Variants in DBF4B observed in about 807,000 individuals in gnomAD.
DBF4B encodes DBF4B-CDC7 kinase regulatory subunit, also known as protein DBF4 homolog B.
A neutral mutation model predicts 53.4 loss-of-function variants in DBF4B; 49 were observed. The observed-to-expected ratio is 0.92, with a 90% confidence interval of 0.73 to 1.16. The LOEUF (loss-of-function observed/expected upper bound fraction) is 1.16. Among genes scored for constraint, DBF4B ranks in the 50% most tolerant of loss-of-function variants. The pLI, the probability that DBF4B is intolerant of heterozygous loss-of-function variation, is 0.00. For synonymous variants in DBF4B, 257 were observed against 288.7 expected, an observed-to-expected ratio of 0.89 and a Z score of 1.11; for missense variants, 692 against 775.0, an observed-to-expected ratio of 0.89 and a Z score of 1.27.
At position 44,749,278 on chromosome 17, in the gene DBF4B, C is replaced by G; in HGVS notation, c.1189+813C>G. Reference sequence around the variant, plus strand: ...GCCCTGGTCCCAACCCCAGCCCCAGCCCCAGCCCCATGCTGGCAGAGAGCT... The same window carrying G: ...GCCCTGGTCCCAACCCCAGCCCCAGGCCCAGCCCCATGCTGGCAGAGAGCT... On this transcript the variant is annotated intron_variant, in intron 13 of 13. Coordinates refer to ENST00000315005, the MANE Select transcript of DBF4B (RefSeq NM_145663.3). The surrounding 1 kb of genome is among the most constrained non-coding windows in gnomAD (Gnocchi z 4.4). 2.3e-6 allele frequency: 3 copies of G among 1,290,452 alleles called. No homozygotes were observed. Among genetic ancestry groups the G allele is most frequent in the Non-Finnish European group, 3.0e-6 (3 of 988,890 alleles). The allele number at this position is 1,290,452 out of a possible 1,614,324, so 79.9% of individuals were successfully genotyped here. A position where few individuals can be genotyped will look rare whatever the true frequency, so the allele number is the denominator to read the frequency against.
At chr17:44,728,320 A>G (rs1974535452) in intron 3 of DBF4B, among the ~76,000 whole-genome samples, 2 of 152,110 alleles carry the variant, frequency 1.3e-5, no homozygotes, top group African/African-American at 4.8e-5. Flanking sequence ...CACATGTTCT[A>G]TTGGTCCAAT....
intron 8 of DBF4B, among the ~76,000 whole-genome samples, chr17:44,737,426 G>T (rs560890103): frequency 6.6e-6 from 1 of 152,188 alleles, no homozygotes; most frequent in Admixed American, 6.6e-5. Context: ...AAGGAAGTCT[G>T]TAGGGGAATT....
intron 2 of DBF4B, among the ~76,000 whole-genome samples, chr17:44,717,569 T>A (rs1167989000): frequency 6.6e-6 from 1 of 151,728 alleles, no homozygotes; most frequent in Admixed American, 6.6e-5. Flanking sequence ...ATTAGCTGGA[T>A]GTAGTGGCAG....
At chr17:44,740,564 G>A (rs34220934) in intron 9 of DBF4B, among the ~76,000 whole-genome samples, 8,322 of 152,270 alleles carry the variant, frequency 0.055, 630 homozygotes, top group African/African-American at 0.17. Flanking sequence ...ACAGAACAGG[G>A]AAATAACTGT....
rs2049289934 is a variant in DBF4B at position 44,752,226 on chromosome 17, T to G, written c.*973T>G. On this transcript the variant is annotated 3_prime_UTR_variant, in exon 14 of 14. Transcript: ENST00000315005. ...AAGTAAGGGGCTTGGATGAGATGATTTCAGGACCCTTTCCAATAATAAAAT... is the reference window on the plus strand; with the variant it reads ...AAGTAAGGGGCTTGGATGAGATGATGTCAGGACCCTTTCCAATAATAAAAT... 20 of 508,862 alleles carry G rather than the reference T, an allele frequency of 3.9e-5. No individual in the cohort carries two copies. The South Asian group carries it at 4.5e-4, about 12-fold the overall frequency. 31.5% of individuals were successfully genotyped at this position (508,862 alleles called of 1,614,324 possible). A position where few individuals can be genotyped will look rare whatever the true frequency, so the allele number is the denominator to read the frequency against.
chr17:44,713,519 G>A (rs1973079861), intron 2 of DBF4B, among the ~76,000 whole-genome samples: 2 of 151,822 alleles, frequency 1.3e-5, no homozygotes, highest in Admixed American at 1.3e-4. Context: ...AGGATGTCGT[G>A]CACGCTTGTA....
chr17:44,736,860 C>T lies in DBF4B; in HGVS notation c.661C>T (p.Arg221Trp), dbSNP rs143804025. 1.9e-4 allele frequency: 310 copies of T among 1,614,012 alleles called. No individual in the cohort carries two copies. Among genetic ancestry groups the T allele is most frequent in the South Asian group, 4.5e-4 (41 of 91,046 alleles). The change falls in exon 8 of 14, where the codon CGG becomes TGG. Residue 221 changes from arginine (R) to tryptophan (W), a missense_variant. Arg to Trp is a moderately radical substitution (Grantham distance 101). Coordinates refer to ENST00000315005, the MANE Select transcript of DBF4B (RefSeq NM_145663.3). ...ATGTCCAGCAGCAGAGTCAAGAACACGGAAAGGTCAGTGTGGTAGCTTTTC... is the reference window on the plus strand; with the variant it reads ...ATGTCCAGCAGCAGAGTCAAGAACATGGAAAGGTCAGTGTGGTAGCTTTTC... Reference protein sequence around the residue: ...GTCPAAESRTRKVARLKAPFL... With the variant: ...GTCPAAESRTWKVARLKAPFL...
intron 7 of DBF4B, 150 bp from the exon 8 acceptor site, chr17:44,736,680 C>G: frequency 1.3e-6 from 1 of 789,256 alleles, no homozygotes; most frequent in South Asian, 1.5e-5. Flanking sequence ...CAGGTCTGCT[C>G]CAGCTCAGGG....
At chr17:44,746,571 C>G (rs1976618143) in intron 10 of DBF4B, among the ~76,000 whole-genome samples, 1 of 152,140 alleles carries the variant, frequency 6.6e-6, no homozygotes, top group Non-Finnish European at 1.5e-5. Flanking sequence ...GTAATCCCAG[C>G]ACTTTGGGAG....
At chr17:44,728,456 T>A (rs146114005) in intron 3 of DBF4B, among the ~76,000 whole-genome samples, 187 of 152,250 alleles carry the variant, frequency 1.2e-3, no homozygotes, top group African/African-American at 4.1e-3. Context: ...AACAATCTCC[T>A]ATATTTATAT....
chr17:44,730,156 C>G, intron 4 of DBF4B, 60 bp downstream of exon 4: 1 of 1,523,386 alleles, frequency 6.6e-7, no homozygotes, highest in African/African-American at 1.4e-5. Context: ...CTTTGGTGAG[C>G]CTTTTAAGGC....
intron 9 of DBF4B, among the ~76,000 whole-genome samples, chr17:44,740,462 C>T (rs1211766865): frequency 2.0e-5 from 3 of 152,216 alleles, no homozygotes; most frequent in Non-Finnish European, 4.4e-5. Context: ...ACCACTCAGT[C>T]CAGGTCTGAC....
intron 5 of DBF4B, 152 bp downstream of exon 5, chr17:44,731,167 G>A (rs901154452): frequency 6.8e-6 from 6 of 877,286 alleles, no homozygotes; most frequent in Non-Finnish European, 1.1e-5. Flanking sequence ...ATCAGGTAGT[G>A]GAGGCTCAGA....
At position 44,745,258 on chromosome 17, in the gene DBF4B, T is replaced by G. The variant is rs572138404; in HGVS notation, c.831-1825T>G. Among the ~76,000 whole-genome samples the G allele has an allele frequency of 1.5e-4, 23 of 152,198 alleles. No individual in the cohort carries two copies. In the South Asian group the frequency reaches 4.8e-3, roughly 32 times the overall value. On this transcript the variant is annotated intron_variant, in intron 10 of 13. Coordinates refer to ENST00000315005, the MANE Select transcript of DBF4B (RefSeq NM_145663.3). ...TTGTAAATAAATCAATATATATATT[T>G]TTTTCCTAAGCCTCCCTGAGCAGAG... is the stretch of plus-strand genomic sequence containing the variant.
intron 3 of DBF4B, among the ~76,000 whole-genome samples, chr17:44,728,183 A>G (rs979827149): frequency 1.3e-5 from 2 of 152,136 alleles, no homozygotes; most frequent in African/African-American, 4.8e-5. Flanking sequence ...GTCAGTTATC[A>G]TAACTATATG....
At chr17:44,721,439 G>A (rs1037640649) in intron 2 of DBF4B, among the ~76,000 whole-genome samples, 1 of 152,022 alleles carries the variant, frequency 6.6e-6, no homozygotes, top group East Asian at 1.9e-4. Flanking sequence ...GGCTGGTCTC[G>A]AACTCCTGGC....
Position 44,750,505 on chromosome 17 carries a change from G to A in DBF4B, c.1190-90G>A, listed in dbSNP as rs2049253604. 1.1e-5 allele frequency: 17 copies of A among 1,507,886 alleles called. No homozygotes were observed. The South Asian group carries it at 2.3e-4, about 20-fold the overall frequency. 93.4% of individuals were successfully genotyped at this position (1,507,886 alleles called of 1,614,324 possible). On this transcript the variant is annotated intron_variant, in intron 13 of 13. Coordinates refer to ENST00000315005, the MANE Select transcript of DBF4B (RefSeq NM_145663.3). ...CCTGTTAAATTTTACAATTAATTTT[G>A]GTTCAGGAAATGTAAATAAATTTGT...
chr17:44,736,927 C>G, intron 8 of DBF4B, 61 bp downstream of exon 8: 1 of 1,578,886 alleles, frequency 6.3e-7, no homozygotes, highest in Non-Finnish European at 8.7e-7. Flanking sequence ...CACTTCCCCA[C>G]GACTCCCTCT....
intron 2 of DBF4B, chr17:44,720,647 T>C (rs992380658): frequency 6.5e-6 from 1 of 153,590 alleles, no homozygotes; most frequent in Non-Finnish European, 1.5e-5. Flanking sequence ...TTAATATTGC[T>C]ATAAGCATTC....
Sources: gnomAD v4.1 joint callset for allele counts (sites outside exome capture counted in the v4.1 genomes callset) on GRCh38, gnomAD v4.1.1 for gene constraint, Gnocchi (gnomAD v3.1) non-coding constraint, MANE v1.5 for transcripts, NCBI Gene and HGNC (gene_info 2026-07-23, HGNC 2026-07-21) for gene names.